The following CDKAL1 variants were observed in gnomAD, a reference collection of about 807,000 sequenced individuals.
CDKAL1 encodes CDKAL1 threonylcarbamoyladenosine tRNA methylthiotransferase.
In CDKAL1, 32 loss-of-function variants were observed where a neutral mutation model predicts 68.2. The observed-to-expected ratio is 0.47, with a 90% CI of 0.35 to 0.63. The LOEUF is 0.63. CDKAL1 is among the 30% of genes least tolerant of loss of function. The pLI is 0.00. For synonymous variants in CDKAL1, 234 were observed against 244.3 expected (o/e 0.96, Z 0.39); for missense variants, 606 against 696.7 (o/e 0.87, Z 1.47).
intron 13 of CDKAL1, among the ~76,000 whole-genome samples, chr6:21,128,685 A>G (rs931366540): frequency 6.6e-6 from 1 of 152,218 alleles, no homozygotes; most frequent in Admixed American, 6.5e-5. Flanking sequence ...CACTGCCACA[A>G]TTAAGAATAA....
intron 13 of CDKAL1, among the ~76,000 whole-genome samples, chr6:21,111,145 A>G (rs530213218): frequency 6.6e-6 from 1 of 152,342 alleles, no homozygotes; most frequent in South Asian, 2.1e-4. Context: ...AGATACAAAA[A>G]GTAAAATAAA....
At position 20,942,429 on chromosome 6, in the gene CDKAL1, G is replaced by A. The variant is rs999003409; in HGVS notation, c.743-12990G>A. Among the ~76,000 whole-genome samples the A allele has an allele frequency of 2.7e-4, 40 of 149,024 alleles. No individual in the cohort carries two copies. In the East Asian group the frequency reaches 3.6e-3, roughly 14 times the overall value. On this transcript the variant is annotated intron_variant, in intron 9 of 15. Coordinates refer to ENST00000274695, the MANE Select transcript of CDKAL1 (RefSeq NM_017774.3). Reference sequence around the variant, plus strand: ...TTTGCCCAGGTTGGAGGGCAGTGGCGTGATCTCGGCTCACTGCAACCTTCC... The same window carrying A: ...TTTGCCCAGGTTGGAGGGCAGTGGCATGATCTCGGCTCACTGCAACCTTCC...
chr6:20,646,048 A>ATTTTTTTTTTTTTTTT (rs1171622769), intron 4 of CDKAL1, among the ~76,000 whole-genome samples: 1 of 87,364 alleles, frequency 1.1e-5, no homozygotes, highest in Non-Finnish European at 2.0e-5. Context: ...TCACGGTTAA[A>ATTTTTTTTTTTTTTTT]TTTTTTTTTT....
At chr6:20,966,704 C>T (rs1251804995) in intron 10 of CDKAL1, among the ~76,000 whole-genome samples, 1 of 152,030 alleles carries the variant, frequency 6.6e-6, no homozygotes, top group Non-Finnish European at 1.5e-5. Context: ...AATATATGGT[C>T]ATAAAAAAGT....
intron 4 of CDKAL1, among the ~76,000 whole-genome samples, chr6:20,557,788 G>A (rs1044386273): frequency 6.6e-6 from 1 of 152,034 alleles, no homozygotes; most frequent in Admixed American, 6.6e-5. Flanking sequence ...TTAGCCCAGC[G>A]TGGTGGTGCA....
intron 12 of CDKAL1, among the ~76,000 whole-genome samples, chr6:21,096,252 T>G (rs1773310192): frequency 6.6e-6 from 1 of 152,208 alleles, no homozygotes; most frequent in South Asian, 2.1e-4. Flanking sequence ...TTTAGAACTG[T>G]ATAGCAGCTT....
chr6:20,811,342 A>ATAAATGTCGAGACGC (rs1330786056), intron 8 of CDKAL1, among the ~76,000 whole-genome samples: 1 of 152,182 alleles, frequency 6.6e-6, no homozygotes, highest in African/African-American at 2.4e-5. Context: ...TACCAAGGAG[A>ATAAATGTCGAGACGC]TAAATGTCGA....
At chr6:21,081,925 T>C (rs147374641) in intron 12 of CDKAL1, among the ~76,000 whole-genome samples, 1 of 152,096 alleles carries the variant, frequency 6.6e-6, no homozygotes, top group East Asian at 1.9e-4. Flanking sequence ...ATAAGTATGG[T>C]TCATTAATAA....
intron 11 of CDKAL1, among the ~76,000 whole-genome samples, chr6:21,026,311 A>G (rs1194946722): frequency 6.6e-6 from 1 of 152,010 alleles, no homozygotes; most frequent in Non-Finnish European, 1.5e-5. Context: ...ATATTCTGTA[A>G]TTTTACTCAT....
intron 11 of CDKAL1, among the ~76,000 whole-genome samples, chr6:21,058,564 A>G (rs999161058): frequency 3.3e-5 from 5 of 152,188 alleles, no homozygotes; most frequent in Admixed American, 6.5e-5. Flanking sequence ...CATGACTCTA[A>G]CTAGTTATTT....
chr6:20,537,485 A>AT (rs1464846275), intron 2 of CDKAL1, among the ~76,000 whole-genome samples: 2 of 152,080 alleles, frequency 1.3e-5, no homozygotes, highest in Non-Finnish European at 2.9e-5. Context: ...AGGTGCCTGT[A>AT]ATCCCAGCTA....
intron 13 of CDKAL1, among the ~76,000 whole-genome samples, chr6:21,174,705 T>G (rs1582357092): frequency 6.7e-6 from 1 of 150,354 alleles, no homozygotes; most frequent in Non-Finnish European, 1.5e-5. Context: ...AAAAACACAT[T>G]GATAAGGCCA....
At chr6:21,077,260 G>T (rs1396073512) in intron 12 of CDKAL1, among the ~76,000 whole-genome samples, 1 of 151,948 alleles carries the variant, frequency 6.6e-6, no homozygotes, top group Non-Finnish European at 1.5e-5. Context: ...TTGTACAATT[G>T]GTTGATCAAA....
chr6:20,902,345 AC>A (rs1561870899), intron 9 of CDKAL1, among the ~76,000 whole-genome samples: 8,317 of 127,706 alleles, frequency 0.065, 338 homozygotes, highest in East Asian at 0.11. Flanking sequence ...ACACACACAC[AC>A]ACACACACAC....
intron 11 of CDKAL1, among the ~76,000 whole-genome samples, chr6:21,012,289 G>T (rs1176219157): frequency 6.6e-6 from 1 of 152,128 alleles, no homozygotes; most frequent in East Asian, 1.9e-4. Flanking sequence ...AGAGTCTCTT[G>T]GAAAGAAGGG....
intron 5 of CDKAL1, among the ~76,000 whole-genome samples, chr6:20,674,461 G>T (rs973203067): frequency 9.9e-5 from 15 of 151,964 alleles, no homozygotes; most frequent in Admixed American, 3.3e-4. Flanking sequence ...AAATGGATAC[G>T]CAGTAACCAT....
At position 21,131,896 on chromosome 6, in the gene CDKAL1, A is replaced by G. The variant is rs190848087; in HGVS notation, c.1299+23433A>G. ...CACTTTGTGATTCTTTAAATTAATA[A>G]ATAAGAAATATTTTCTAAGGCATCA... On this transcript the variant is annotated intron_variant, in intron 13 of 15. Transcript: ENST00000274695. 2.5e-3 allele frequency among the ~76,000 whole-genome samples: 377 copies of G among 152,300 alleles called. 3 individuals are homozygous for G. Among genetic ancestry groups the G allele is most frequent in the African/African-American group, 8.7e-3 (361 of 41,586 alleles).
intron 13 of CDKAL1, among the ~76,000 whole-genome samples, chr6:21,176,130 T>A (rs775756829): frequency 5.9e-5 from 9 of 152,242 alleles, no homozygotes; most frequent in Non-Finnish European, 1.2e-4. Flanking sequence ...TAGTTATTTG[T>A]TAAGTGATAA....
At position 20,998,103 on chromosome 6, in the gene CDKAL1, C is replaced by T. The variant is rs1445239927; in HGVS notation, c.910-2124C>T. On this transcript the variant is annotated intron_variant, in intron 10 of 15. Coordinates refer to ENST00000274695, the MANE Select transcript of CDKAL1 (RefSeq NM_017774.3). ...CATGTCAAGATGTCATTTCTCACCG[C>T]AATAGATATGTCTAAAGCTGTGAGT... Among the ~76,000 whole-genome samples, 4 of 152,210 alleles carry T rather than the reference C, an allele frequency of 2.6e-5. 1 individual carries two copies. Among genetic ancestry groups the T allele is most frequent in the Admixed American group, 2.6e-4 (4 of 15,292 alleles).
Sources: gnomAD v4.1 joint callset for allele counts (sites outside exome capture counted in the v4.1 genomes callset) on GRCh38, gnomAD v4.1.1 for gene constraint, MANE v1.5 for transcripts, NCBI Gene and HGNC (gene_info 2026-07-23, HGNC 2026-07-21) for gene names.